KCNK2: variants seen among roughly 807,000 people sequenced by gnomAD.
KCNK2 encodes potassium two pore domain channel subfamily K member 2, also known as potassium channel subfamily K member 2.
Under a neutral mutation model 40.5 loss-of-function variants are expected in KCNK2, and 21 were observed. That is an observed-to-expected ratio of 0.52 (90% CI 0.37 to 0.75). The LOEUF (loss-of-function observed/expected upper bound fraction) is 0.75. Ranked by LOEUF, KCNK2 falls within the 30% of genes least tolerant of loss-of-function variation. The pLI is 0.00. For missense variants in KCNK2, 399 were observed against 531.6 expected, an observed-to-expected ratio of 0.75 and a Z score of 2.45; for synonymous variants, 191 against 202.2, an observed-to-expected ratio of 0.94 and a Z score of 0.47.
chr1:215,094,839 G>T (rs1164813030), intron 2 of KCNK2, among the ~76,000 whole-genome samples: 1 of 151,990 alleles, frequency 6.6e-6, no homozygotes, highest in African/African-American at 2.4e-5. Flanking sequence ...GATTAAAAAG[G>T]AATATTATTT....
chr1:215,182,543 G>T (rs1664267283), intron 5 of KCNK2, among the ~76,000 whole-genome samples: 1 of 152,100 alleles, frequency 6.6e-6, no homozygotes, highest in Non-Finnish European at 1.5e-5. Context: ...CTGCCTGCAA[G>T]TCTCCTTGCC....
intron 3 of KCNK2, among the ~76,000 whole-genome samples, chr1:215,162,271 GT>G: frequency 6.6e-6 from 1 of 152,110 alleles, no homozygotes; most frequent in Middle Eastern, 3.4e-3. Flanking sequence ...TGATGGGGTT[GT>G]TTTTTTCTTG....
intron 2 of KCNK2, among the ~76,000 whole-genome samples, chr1:215,111,346 T>C (rs915326352): frequency 2.0e-5 from 3 of 152,204 alleles, no homozygotes; most frequent in African/African-American, 7.2e-5. Context: ...GAGTATAATG[T>C]TAACTGTAGG....
chr1:215,222,770 A>T (rs1048221475), intron 6 of KCNK2, among the ~76,000 whole-genome samples: 2 of 151,906 alleles, frequency 1.3e-5, no homozygotes, highest in Non-Finnish European at 2.9e-5. Flanking sequence ...GGTAAAGAGA[A>T]TAATTGGAAA....
intron 1 of KCNK2, among the ~76,000 whole-genome samples, chr1:215,010,898 A>G (rs12564141): frequency 0.25 from 30,557 of 121,010 alleles, 4,071 homozygotes; most frequent in South Asian, 0.49. Context: ...GTGTGTGTGT[A>G]TGTGTGTGTA....
chr1:215,155,345 C>A (rs1662869882), intron 3 of KCNK2, among the ~76,000 whole-genome samples: 1 of 151,992 alleles, frequency 6.6e-6, no homozygotes, highest in Non-Finnish European at 1.5e-5. Context: ...AATTTGGAAG[C>A]AACCTTTATC....
chr1:215,115,936 T>A (rs1159201099), intron 2 of KCNK2, among the ~76,000 whole-genome samples: 1 of 149,098 alleles, frequency 6.7e-6, no homozygotes, highest in Non-Finnish European at 1.5e-5. Context: ...CCTTTAGAGT[T>A]GCACAGGGTC....
chr1:215,235,020 G>A lies in KCNK2; in HGVS notation c.1156G>A (p.Val386Met), dbSNP rs1276203065. The A allele has an allele frequency of 6.2e-7, 1 of 1,613,950 alleles. No homozygotes were observed. The highest frequency in any genetic ancestry group is 1.3e-5 in the African/African-American group (1 of 74,918). ...GACTCCTTGTAGGAGGACCCTGTCA[G>A]TGAACCACCTGACCAGCGAGAGGGA... ...ELTPCRRTLS[V>M]NHLTSERDVL... Residue 386 changes from valine to methionine, a missense_variant, in exon 7 of 7, where the codon GTG (valine) becomes ATG (methionine). Physicochemically the swap from Val to Met is conservative, Grantham distance 21. This residue lies in a region of KCNK2 where 103 missense variants were observed against 124.3 expected (regional missense o/e 0.83). Transcript: ENST00000444842.
chr1:215,146,700 A>G (rs1310363497), intron 3 of KCNK2, among the ~76,000 whole-genome samples: 1 of 152,122 alleles, frequency 6.6e-6, no homozygotes, highest in East Asian at 1.9e-4. Context: ...AAGTTTGAGG[A>G]CCCATATCTC....
chr1:215,221,130 G>GAGGCCA (rs1448671415), intron 6 of KCNK2, among the ~76,000 whole-genome samples: 1 of 152,230 alleles, frequency 6.6e-6, no homozygotes, highest in African/African-American at 2.4e-5. Context: ...AGCACTTTGA[G>GAGGCCA]AGGCCAAGGC....
intron 2 of KCNK2, among the ~76,000 whole-genome samples, chr1:215,087,871 A>G (rs1045489507): frequency 6.6e-6 from 1 of 152,216 alleles, no homozygotes; most frequent in African/African-American, 2.4e-5. Context: ...AATTTACAGC[A>G]TATGCATACA....
At chr1:215,045,521 G>A (rs1657736530) in intron 1 of KCNK2, among the ~76,000 whole-genome samples, 1 of 152,138 alleles carries the variant, frequency 6.6e-6, no homozygotes, top group African/African-American at 2.4e-5. Context: ...TAATATTTGA[G>A]ATAATGATTT....
At chr1:215,182,495 C>G in intron 5 of KCNK2, among the ~76,000 whole-genome samples, 1 of 152,202 alleles carries the variant, frequency 6.6e-6, no homozygotes, top group Non-Finnish European at 1.5e-5. Flanking sequence ...CACTCAGTAA[C>G]GACACATACA....
chr1:215,031,669 G>C (rs555811922), intron 1 of KCNK2, among the ~76,000 whole-genome samples: 2 of 152,036 alleles, frequency 1.3e-5, no homozygotes, highest in Non-Finnish European at 2.9e-5. Context: ...TGAAAATAAA[G>C]GATATTCAAC....
At chr1:215,130,346 GC>G in intron 3 of KCNK2, among the ~76,000 whole-genome samples, 1 of 152,234 alleles carries the variant, frequency 6.6e-6, no homozygotes, top group South Asian at 2.1e-4. Context: ...CTACTTCTAC[GC>G]ATACCCAAAT....
chr1:215,119,267 G>A (rs1001939274), intron 2 of KCNK2, among the ~76,000 whole-genome samples: 3 of 152,134 alleles, frequency 2.0e-5, no homozygotes, highest in African/African-American at 7.2e-5. Flanking sequence ...AAGTAAGTGT[G>A]TTTTATCATT....
intron 3 of KCNK2, among the ~76,000 whole-genome samples, chr1:215,141,222 C>T (rs1168781445): frequency 6.6e-6 from 1 of 151,982 alleles, no homozygotes; most frequent in Non-Finnish European, 1.5e-5. Flanking sequence ...AGAAGGAGTA[C>T]AATCTAAAAT....
At chr1:215,109,475 C>G (rs1660586426) in intron 2 of KCNK2, among the ~76,000 whole-genome samples, 1 of 151,974 alleles carries the variant, frequency 6.6e-6, no homozygotes, top group Non-Finnish European at 1.5e-5. Context: ...ATTTCTGTAC[C>G]TGGCTTATCT....
chr1:215,049,708 AT>A (rs1196079252), intron 1 of KCNK2, among the ~76,000 whole-genome samples: 1 of 151,992 alleles, frequency 6.6e-6, no homozygotes, highest in Non-Finnish European at 1.5e-5. Context: ...TTATTTATTT[AT>A]TTTTTTAGCC....
Sources: allele counts gnomAD v4.1 joint callset (sites outside exome capture counted in the v4.1 genomes callset), GRCh38; gene constraint gnomAD v4.1.1; regional missense constraint gnomAD v4.1.1; transcripts MANE v1.5; gene names NCBI Gene and HGNC (gene_info 2026-07-23, HGNC 2026-07-21).